CMTR1: variants seen among roughly 807,000 people sequenced by gnomAD.
CMTR1 encodes the protein cap-specific mRNA (nucleoside-2'-O-)-methyltransferase 1.
In CMTR1, 39 loss-of-function variants were observed where a neutral mutation model predicts 107.0. That is an observed-to-expected ratio of 0.36 (90% CI 0.28 to 0.48). CMTR1 has a LOEUF of 0.48. Among genes scored for constraint, CMTR1 ranks in the 20% least tolerant of loss-of-function variants. The pLI is 0.99. For synonymous variants in CMTR1, 366 were observed against 379.5 expected, an observed-to-expected ratio of 0.96 and a Z score of 0.41; for missense variants, 672 against 1,064.9, an observed-to-expected ratio of 0.63 and a Z score of 5.14.
At chr6:37,429,941 A>T (rs1045580417), upstream of CMTR1, among the ~76,000 whole-genome samples, 2 of 59,696 alleles carry the variant, frequency 3.4e-5, no homozygotes, top group Admixed American at 1.7e-4. Context: ...CTGTCTCAAA[A>T]AATAATAAAA....
At position 37,458,129 on chromosome 6, in the gene CMTR1, A is replaced by G. The variant is rs1166202869; in HGVS notation, c.778-483A>G. Among the ~76,000 whole-genome samples, 1 of 151,996 alleles carries G rather than the reference A, an allele frequency of 6.6e-6. No homozygotes were observed. The highest frequency in any genetic ancestry group is 2.4e-5 in the African/African-American group (1 of 41,386). ...AAGTGCAGTGGCGCGATCTCAGCTC[A>G]CTGCAACCTCTGCCTCCCGGGTTCA... is the stretch of plus-strand genomic sequence containing the variant. On this transcript the variant is annotated intron_variant, in intron 8 of 23. Transcript: ENST00000373451. The surrounding 1 kb of genome is among the most constrained non-coding windows in gnomAD (Gnocchi z 4.7).
chr6:37,452,900 C>T (rs775558618), intron 6 of CMTR1, 147 bp from the exon 7 acceptor site: 6 of 695,520 alleles, frequency 8.6e-6, no homozygotes, highest in Non-Finnish European at 1.5e-5. Flanking sequence ...TATTGAGCAG[C>T]CTGTGTAGGG....
At chr6:37,447,940 G>A (rs1771834290) in intron 4 of CMTR1, among the ~76,000 whole-genome samples, 1 of 151,726 alleles carries the variant, frequency 6.6e-6, no homozygotes. Context: ...GCCAGGCATG[G>A]TGGCTCACGC....
chr6:37,428,469 T>G (rs956464152), upstream of CMTR1, among the ~76,000 whole-genome samples: 1 of 152,112 alleles, frequency 6.6e-6, no homozygotes, highest in African/African-American at 2.4e-5. Flanking sequence ...TTTTGTTTTG[T>G]TTTTTTGAGA....
intron 2 of CMTR1, among the ~76,000 whole-genome samples, chr6:37,443,333 C>T (rs1771712613): frequency 6.6e-6 from 1 of 151,812 alleles, no homozygotes; most frequent in Non-Finnish European, 1.5e-5. Context: ...TCAGTAAATA[C>T]ACTTTATATT....
chr6:37,459,494 C>T, intron 9 of CMTR1, 72 bp from the exon 10 acceptor site: 1 of 1,309,172 alleles, frequency 7.6e-7, no homozygotes. Context: ...TTCACTGACC[C>T]AGAGCACTCG....
chr6:37,480,321 C>A lies in CMTR1; in HGVS notation c.*176C>A. The A allele has an allele frequency of 7.1e-7, 1 of 1,408,632 alleles. No individual in the cohort carries two copies. The allele number at this position is 1,408,632 out of a possible 1,614,324, so 87.3% of individuals were successfully genotyped here. A position where few individuals can be genotyped will look rare whatever the true frequency, so the allele number is the denominator to read the frequency against. On this transcript the variant is annotated 3_prime_UTR_variant, in exon 24 of 24. Coordinates refer to ENST00000373451, the MANE Select transcript of CMTR1 (RefSeq NM_015050.3). Reference sequence around the variant, plus strand: ...CCTGAAGAGCTCAGGCAGGGCCCTGCAGAGAACACTCATGTTCCTTCTGGG... The same window carrying A: ...CCTGAAGAGCTCAGGCAGGGCCCTGAAGAGAACACTCATGTTCCTTCTGGG...
chr6:37,433,458 G>C (rs1268092030), intron 1 of CMTR1, 81 bp downstream of exon 1: 1 of 152,468 alleles, frequency 6.6e-6, no homozygotes, highest in Admixed American at 6.5e-5. Context: ...ACCGCCGCCT[G>C]GGCCCCCCGC....
Position 37,462,906 on chromosome 6 carries a change from A to G in CMTR1, c.1403A>G (p.Asn468Ser), listed in dbSNP as rs147062806. The change falls in exon 13 of 24, where the codon AAT becomes AGT. Residue 468 changes from asparagine (N) to serine (S), a missense_variant. Asn to Ser is a conservative substitution (Grantham distance 46). This residue lies in a region of CMTR1 where 583 missense variants were observed against 968.4 expected (regional missense o/e 0.60). Transcript: ENST00000373451. The stretch of plus-strand genomic sequence containing the variant: ...CTCTTCGCAGTGAATATTAAACTCA[A>G]TCAGCTGCGGAACACGGATTCCGAC... ...DYLFAVNIKL[N>S]QLRNTDSDVN... The G allele has an allele frequency of 3.4e-5, 55 of 1,614,130 alleles. No homozygotes were observed. In the South Asian group the frequency reaches 3.6e-4, roughly 11 times the overall value.
At chr6:37,438,120 C>T (rs1222223010) in intron 2 of CMTR1, among the ~76,000 whole-genome samples, 1 of 152,098 alleles carries the variant, frequency 6.6e-6, no homozygotes, top group East Asian at 1.9e-4. Context: ...CGGCTTATGC[C>T]TGTAATTCTA....
upstream of CMTR1, among the ~76,000 whole-genome samples, chr6:37,431,144 T>G (rs1771357667): frequency 6.6e-6 from 1 of 152,240 alleles, no homozygotes; most frequent in Non-Finnish European, 1.5e-5. Flanking sequence ...TTGACTATAT[T>G]TTGAATGCAT....
chr6:37,446,600 G>C (rs1771801156), intron 4 of CMTR1, 151 bp downstream of exon 4: 3 of 924,086 alleles, frequency 3.2e-6, no homozygotes, highest in Admixed American at 2.7e-5. Context: ...GGGATATCCA[G>C]AATGGAAAAC....
chr6:37,428,778 G>GT (rs1009409383), upstream of CMTR1, among the ~76,000 whole-genome samples: 9 of 152,166 alleles, frequency 5.9e-5, no homozygotes, highest in Admixed American at 5.9e-4. Flanking sequence ...TTAAACATGA[G>GT]TGACTCCATT....
upstream of CMTR1, among the ~76,000 whole-genome samples, chr6:37,428,717 C>A (rs1771326796): frequency 6.6e-6 from 1 of 152,180 alleles, no homozygotes; most frequent in Non-Finnish European, 1.5e-5. Flanking sequence ...CTTGGCCTCC[C>A]AAAGTGCTGG....
intron 4 of CMTR1, 69 bp downstream of exon 4, chr6:37,446,518 A>G (rs1306259344): frequency 6.5e-7 from 1 of 1,535,288 alleles, no homozygotes; most frequent in Non-Finnish European, 8.8e-7. Flanking sequence ...TTAAGAAGCC[A>G]TATCAACAAA....
Position 37,444,045 on chromosome 6 carries a change from A to C in CMTR1, c.180A>C (p.Lys60Asn), listed in dbSNP as rs779013677. The change falls in exon 3 of 24, where the codon AAA (lysine) becomes AAC (asparagine). Residue 60 changes from lysine (K) to asparagine (N), a missense_variant. This residue lies in a region of CMTR1 where 89 missense variants were observed against 96.6 expected (regional missense o/e 0.92). Coordinates refer to ENST00000373451, the MANE Select transcript of CMTR1 (RefSeq NM_015050.3). ...LSGSDSETEG[K>N]QHSSDSFDDA... The stretch of plus-strand genomic sequence containing the variant: ...GGTCTGATAGTGAGACCGAGGGGAA[A>C]CAACACAGCTCTGACTCTTTTGACG... 6.2e-7 allele frequency: 1 copy of C among 1,614,150 alleles called. No homozygotes were observed. The highest frequency in any genetic ancestry group is 2.2e-5 in the East Asian group (1 of 44,890).
rs377023413 is a variant in CMTR1 at position 37,453,108 on chromosome 6, A to G, written c.671A>G (p.Tyr224Cys). The change falls in exon 7 of 24, where the codon TAT becomes TGT. Residue 224 changes from tyrosine to cysteine, a missense_variant. Around this residue, in one of 2 missense-constraint regions of CMTR1, gnomAD observed 583 missense variants for 968.4 expected, o/e 0.60. Transcript: ENST00000373451. Reference sequence around the variant, plus strand: ...CGAGCTCGGACTCGGGCCAATCCCTATGAGATGATCCGAGGAGTCTTCTTT... The same window carrying G: ...CGAGCTCGGACTCGGGCCAATCCCTGTGAGATGATCCGAGGAGTCTTCTTT... ...MRRARTRANP[Y>C]EMIRGVFFLN... 5 of 1,614,026 alleles carry G rather than the reference A, an allele frequency of 3.1e-6. No individual in the cohort carries two copies. The African/African-American group carries it at 5.3e-5, about 17-fold the overall frequency.
intron 8 of CMTR1, among the ~76,000 whole-genome samples, chr6:37,457,636 A>G (rs938388604): frequency 4.6e-5 from 7 of 152,206 alleles, no homozygotes; most frequent in African/African-American, 1.4e-4. Flanking sequence ...ACAAAATTGG[A>G]AACTGGGTGA....
chr6:37,462,809 G>T lies in CMTR1; in HGVS notation c.1326-20G>T. The T allele has an allele frequency of 6.2e-7, 1 of 1,610,666 alleles. No individual in the cohort carries two copies. The highest frequency in any genetic ancestry group is 1.1e-5 in the South Asian group (1 of 90,940). On this transcript the variant is annotated intron_variant, in intron 12 of 23. Coordinates refer to ENST00000373451, the MANE Select transcript of CMTR1 (RefSeq NM_015050.3). ...GGAGGAAGCCCTTGCTCGGTGGAGTGACAGAGTATCTTCTGCCAGGTATGT... is the reference window on the plus strand; with the variant it reads ...GGAGGAAGCCCTTGCTCGGTGGAGTTACAGAGTATCTTCTGCCAGGTATGT...
Sources: gnomAD v4.1 joint callset for allele counts (sites outside exome capture counted in the v4.1 genomes callset) on GRCh38, gnomAD v4.1.1 for gene constraint, gnomAD v4.1.1 regional missense constraint, Gnocchi (gnomAD v3.1) non-coding constraint, MANE v1.5 for transcripts, NCBI Gene and HGNC (gene_info 2026-07-23, HGNC 2026-07-21) for gene names.